ITGA8: variants seen among roughly 807,000 people sequenced by gnomAD.
ITGA8 encodes integrin alpha-8.
ITGA8 carries 91 observed loss-of-function variants against 142.3 expected under a neutral mutation model. The ratio of observed to expected loss-of-function variants is 0.64; its 90% CI spans 0.54 to 0.76. ITGA8 has a LOEUF of 0.76. Among genes scored for constraint, ITGA8 ranks in the 30% least tolerant of loss-of-function variants. The pLI is 0.00. For missense variants in ITGA8, 1,406 were observed against 1,327.7 expected, an observed-to-expected ratio of 1.06 and a Z score of -0.92; for synonymous variants, 505 against 485.2, an observed-to-expected ratio of 1.04 and a Z score of -0.54.
chr10:15,672,686 C>T lies in ITGA8; in HGVS notation c.740G>A (p.Arg247Lys), dbSNP rs747012707. 6.2e-7 allele frequency: 1 copy of T among 1,613,864 alleles called. No individual in the cohort carries two copies. The highest frequency in any genetic ancestry group is 8.5e-7 in the Non-Finnish European group (1 of 1,179,870). ...CGTCTGCTTTTCTCCTGCCAGTTTC[C>T]TGAGGATATCCTTGAATGAGTAATT... ...IANYSFKDILRKLAGEKQTEV... is the reference protein window; with the variant it reads ...IANYSFKDILKKLAGEKQTEV... Residue 247 changes from arginine to lysine, a missense_variant, in exon 7 of 30, where the codon AGG becomes AAG. By Grantham distance (26) the Arg-to-Lys change is conservative. Coordinates refer to ENST00000378076, the MANE Select transcript of ITGA8 (RefSeq NM_003638.3).
At chr10:15,537,744 C>A (rs1364639916) in intron 27 of ITGA8, among the ~76,000 whole-genome samples, 1 of 152,094 alleles carries the variant, frequency 6.6e-6, no homozygotes, top group Non-Finnish European at 1.5e-5. Context: ...TCAAAAGTAA[C>A]AGGAGGAATG....
chr10:15,572,152 A>G, intron 25 of ITGA8, 59 bp downstream of exon 25: 1 of 1,411,024 alleles, frequency 7.1e-7, no homozygotes, highest in Non-Finnish European at 9.6e-7. Context: ...CCCAGTTTGT[A>G]TTTTTTTCAT....
chr10:15,671,298 A>G (rs1232394927), intron 8 of ITGA8, among the ~76,000 whole-genome samples: 1 of 152,178 alleles, frequency 6.6e-6, no homozygotes, highest in African/African-American at 2.4e-5. Flanking sequence ...AATTTCACAA[A>G]TTTGATCTGT....
At chr10:15,583,198 T>A (rs960600972) in intron 23 of ITGA8, among the ~76,000 whole-genome samples, 18 of 152,160 alleles carry the variant, frequency 1.2e-4, no homozygotes, top group African/African-American at 4.3e-4. Flanking sequence ...AAAGGATGAG[T>A]TCATGTCTTT....
In ITGA8 at chr10:15,665,719, T is replaced by A. The variant is rs373982978; in HGVS notation, c.848-4797A>T. On this transcript the variant is annotated intron_variant, in intron 8 of 29. Transcript: ENST00000378076. ...TAAGGTATAAGGAAGGGAATGAGTT[T>A]CAGCTTTCTACATATGGCTAGCCAG... Among the ~76,000 whole-genome samples, 7 of 152,358 alleles carry A rather than the reference T, an allele frequency of 4.6e-5. No homozygotes were observed. The East Asian group carries it at 1.3e-3, about 29-fold the overall frequency.
At chr10:15,653,394 G>A (rs372040040) in intron 11 of ITGA8, among the ~76,000 whole-genome samples, 3 of 152,138 alleles carry the variant, frequency 2.0e-5, no homozygotes, top group South Asian at 2.1e-4. Flanking sequence ...GCAAATTTGA[G>A]CAGAAAGTAC....
At chr10:15,710,955 A>G (rs748544855) in intron 2 of ITGA8, among the ~76,000 whole-genome samples, 13 of 152,194 alleles carry the variant, frequency 8.5e-5, no homozygotes, top group Non-Finnish European at 1.5e-4. Flanking sequence ...TCATATTCAA[A>G]TTTATGTCCT....
At chr10:15,567,215 G>T (rs1834096455) in intron 25 of ITGA8, among the ~76,000 whole-genome samples, 1 of 151,318 alleles carries the variant, frequency 6.6e-6, no homozygotes, top group Non-Finnish European at 1.5e-5. Context: ...TGAAACTTTT[G>T]GCTCCTCAAT....
chr10:15,629,744 T>C (rs374740448), intron 13 of ITGA8, among the ~76,000 whole-genome samples: 1 of 151,990 alleles, frequency 6.6e-6, no homozygotes, highest in Non-Finnish European at 1.5e-5. Context: ...CTGGCCAACA[T>C]GGCAAAACCC....
intron 25 of ITGA8, among the ~76,000 whole-genome samples, chr10:15,563,074 G>T (rs56372348): frequency 0.41 from 57,012 of 138,024 alleles, 11,290 homozygotes; most frequent in African/African-American, 0.51. Context: ...TCTCTCTCTT[G>T]GTTCTGCTTT....
chr10:15,580,126 T>TAAAAAAAAAAA (rs35286236), intron 23 of ITGA8, among the ~76,000 whole-genome samples: 3 of 108,900 alleles, frequency 2.8e-5, no homozygotes, highest in Admixed American at 9.5e-5. Flanking sequence ...TCAGAAAATG[T>TAAAAAAAAAAA]AAAAAAAAAA....
Position 15,683,884 on chromosome 10 carries a change from C to G in ITGA8, c.568+120G>C, listed in dbSNP as rs539811794. 3.5e-5 allele frequency: 41 copies of G among 1,183,540 alleles called. No individual in the cohort carries two copies. The South Asian group carries it at 6.1e-4, about 18-fold the overall frequency. The allele number at this position is 1,183,540 out of a possible 1,614,324, so 73.3% of individuals were successfully genotyped here. On this transcript the variant is annotated intron_variant, in intron 4 of 29. Coordinates refer to ENST00000378076, the MANE Select transcript of ITGA8 (RefSeq NM_003638.3). ...GCTGACAAAAATCTTTACCTACCCC[C>G]GAAGCTTTTTCCTTGCAACCCTGTA...
At chr10:15,679,523 A>C (rs1305823473) in intron 4 of ITGA8, among the ~76,000 whole-genome samples, 2 of 152,174 alleles carry the variant, frequency 1.3e-5, no homozygotes, top group Admixed American at 1.3e-4. Flanking sequence ...CGGAGGTTGC[A>C]GTGAGCCGAG....
chr10:15,655,427 A>G, intron 10 of ITGA8, 21 bp from the exon 11 acceptor site: 1 of 1,591,728 alleles, frequency 6.3e-7, no homozygotes, highest in South Asian at 1.1e-5. Flanking sequence ...AAATCAGGAG[A>G]TGACATTTTG....
At chr10:15,546,831 G>C (rs1216095875) in intron 27 of ITGA8, among the ~76,000 whole-genome samples, 1 of 149,988 alleles carries the variant, frequency 6.7e-6, no homozygotes, top group Non-Finnish European at 1.5e-5. Flanking sequence ...AGAAAGGGAG[G>C]GAAGGAAAGG....
At chr10:15,644,928 C>A (rs1833950584) in intron 12 of ITGA8, among the ~76,000 whole-genome samples, 1 of 151,454 alleles carries the variant, frequency 6.6e-6, no homozygotes, top group Non-Finnish European at 1.5e-5. Flanking sequence ...CCCATCTCTA[C>A]TAAAAATACA....
intron 13 of ITGA8, among the ~76,000 whole-genome samples, chr10:15,626,584 C>A (rs1833586823): frequency 6.6e-6 from 1 of 152,088 alleles, no homozygotes; most frequent in Non-Finnish European, 1.5e-5. Flanking sequence ...ATATCTGCAC[C>A]CTCGATTCCC....
chr10:15,566,000 G>T (rs1256491852), intron 25 of ITGA8, among the ~76,000 whole-genome samples: 1 of 152,018 alleles, frequency 6.6e-6, no homozygotes, highest in African/African-American at 2.4e-5. Context: ...CCTGCATTCT[G>T]AATTAAGGAA....
Position 15,612,225 on chromosome 10 carries a change from G to C in ITGA8, c.1553+1435C>G, listed in dbSNP as rs555271215. Among the ~76,000 whole-genome samples the C allele has an allele frequency of 5.3e-5, 8 of 152,216 alleles. No homozygotes were observed. In the South Asian group the frequency reaches 1.7e-3, roughly 32 times the overall value. On this transcript the variant is annotated intron_variant, in intron 15 of 29. Transcript: ENST00000378076. ...CACACTCCCCAGCTCCCAGCAATAGGATGTTTTTCAAAGAATTCTTCAGGG... is the reference window on the plus strand; with the variant it reads ...CACACTCCCCAGCTCCCAGCAATAGCATGTTTTTCAAAGAATTCTTCAGGG...
Sources: allele counts gnomAD v4.1 joint callset (sites outside exome capture counted in the v4.1 genomes callset), GRCh38; gene constraint gnomAD v4.1.1; transcripts MANE v1.5; gene names NCBI Gene and HGNC (gene_info 2026-07-23, HGNC 2026-07-21).